Variants in ZNF804B observed in about 807,000 individuals in gnomAD.
ZNF804B encodes the protein zinc finger protein 804B.
In ZNF804B, 80 loss-of-function variants were observed where a neutral mutation model predicts 101.4. That is an observed-to-expected ratio of 0.79 (90% CI 0.66 to 0.95). The LOEUF is 0.95. Among genes scored for constraint, ZNF804B ranks in the 40% least tolerant of loss-of-function variants. ZNF804B has a pLI of 0.00. For synonymous variants in ZNF804B, 622 were observed against 558.8 expected, an observed-to-expected ratio of 1.11 and a Z score of -1.59; for missense variants, 1,673 against 1,561.9, an observed-to-expected ratio of 1.07 and a Z score of -1.20.
chr7:88,920,593 T>C (rs1358964671), intron 1 of ZNF804B, among the ~76,000 whole-genome samples: 1 of 151,958 alleles, frequency 6.6e-6, no homozygotes, highest in Non-Finnish European at 1.5e-5. Flanking sequence ...CCAGGCTTCA[T>C]TACCAACCTA....
chr7:89,281,388 T>A (rs1181570731), intron 2 of ZNF804B, among the ~76,000 whole-genome samples: 1 of 152,210 alleles, frequency 6.6e-6, no homozygotes, highest in Non-Finnish European at 1.5e-5. Flanking sequence ...TAACTAGTGC[T>A]ACATTGCAGT....
intron 1 of ZNF804B, among the ~76,000 whole-genome samples, chr7:89,114,560 CT>C (rs1005106120): frequency 2.0e-5 from 3 of 152,202 alleles, no homozygotes; most frequent in African/African-American, 7.2e-5. Context: ...TCTGGTGCCA[CT>C]AGTTTCAATC....
chr7:88,825,519 G>C (rs1044365673), intron 1 of ZNF804B, among the ~76,000 whole-genome samples: 1 of 136,768 alleles, frequency 7.3e-6, no homozygotes, highest in Non-Finnish European at 1.5e-5. Context: ...CACATGTACA[G>C]TTTCCCACAG....
intron 1 of ZNF804B, among the ~76,000 whole-genome samples, chr7:88,906,108 A>G (rs893422883): frequency 6.6e-6 from 1 of 151,740 alleles, no homozygotes; most frequent in Admixed American, 6.6e-5. Flanking sequence ...ATTTCTGTAG[A>G]ATGGGTTGTA....
intron 1 of ZNF804B, among the ~76,000 whole-genome samples, chr7:89,119,128 G>A (rs545694908): frequency 6.6e-6 from 1 of 152,196 alleles, no homozygotes; most frequent in East Asian, 1.9e-4. Context: ...TAAGCACTGG[G>A]CTAGCCCCTT....
intron 1 of ZNF804B, among the ~76,000 whole-genome samples, chr7:88,819,750 A>G (rs375723061): frequency 6.6e-6 from 1 of 152,216 alleles, no homozygotes; most frequent in Non-Finnish European, 1.5e-5. Flanking sequence ...ATAAAAATAC[A>G]TATACATTTA....
chr7:89,193,795 C>A (rs1373516773), intron 1 of ZNF804B, among the ~76,000 whole-genome samples: 3 of 151,972 alleles, frequency 2.0e-5, no homozygotes, highest in African/African-American at 7.3e-5. Flanking sequence ...GTCTTTATAG[C>A]AGCATGATTT....
chr7:88,776,244 G>T (rs1790137591), intron 1 of ZNF804B, among the ~76,000 whole-genome samples: 1 of 152,168 alleles, frequency 6.6e-6, no homozygotes, highest in Non-Finnish European at 1.5e-5. Flanking sequence ...TTAAAAACAG[G>T]TTTTCATGAC....
chr7:88,906,007 G>T (rs1201974589), intron 1 of ZNF804B, among the ~76,000 whole-genome samples: 1 of 150,800 alleles, frequency 6.6e-6, no homozygotes, highest in African/African-American at 2.4e-5. Flanking sequence ...AAATCTGGAA[G>T]ATTGTGTGTT....
At chr7:88,762,201 T>C (rs1789908223) in intron 1 of ZNF804B, among the ~76,000 whole-genome samples, 3 of 152,378 alleles carry the variant, frequency 2.0e-5, no homozygotes, top group East Asian at 1.9e-4. Context: ...TTAAATGATA[T>C]ATGTACTTTC....
At chr7:89,177,951 A>G (rs1355498619) in intron 1 of ZNF804B, among the ~76,000 whole-genome samples, 1 of 151,938 alleles carries the variant, frequency 6.6e-6, no homozygotes, top group African/African-American at 2.4e-5. Flanking sequence ...AAAAAAGAAC[A>G]AAAAACAAAT....
chr7:89,299,127 A>T (rs1790437720), intron 2 of ZNF804B, among the ~76,000 whole-genome samples: 1 of 152,014 alleles, frequency 6.6e-6, no homozygotes. Context: ...GAACTACCAT[A>T]TATATAGATT....
chr7:88,931,579 C>T (rs1168721937), intron 1 of ZNF804B, among the ~76,000 whole-genome samples: 1 of 151,850 alleles, frequency 6.6e-6, no homozygotes, highest in Non-Finnish European at 1.5e-5. Context: ...ATGGACATAT[C>T]TCCTTAGTGT....
chr7:89,053,006 T>G (rs921816490), intron 1 of ZNF804B, among the ~76,000 whole-genome samples: 1 of 152,182 alleles, frequency 6.6e-6, no homozygotes, highest in African/African-American at 2.4e-5. Context: ...TGATTTCTTC[T>G]TTAACATTAA....
intron 1 of ZNF804B, among the ~76,000 whole-genome samples, chr7:88,906,668 T>C (rs1792474929): frequency 6.6e-6 from 1 of 152,138 alleles, no homozygotes; most frequent in Non-Finnish European, 1.5e-5. Flanking sequence ...TGGTCAATCT[T>C]AGGATATGTT....
intron 1 of ZNF804B, among the ~76,000 whole-genome samples, chr7:89,156,016 T>C (rs1337236895): frequency 3.6e-5 from 3 of 84,044 alleles, no homozygotes; most frequent in Non-Finnish European, 5.6e-5. Flanking sequence ...TCTTTCTCTC[T>C]TTCCTTTCTT....
chr7:89,296,721 T>C (rs112171736), intron 2 of ZNF804B, among the ~76,000 whole-genome samples: 33 of 151,984 alleles, frequency 2.2e-4, no homozygotes, highest in African/African-American at 7.2e-4. Flanking sequence ...TAATGTAGAG[T>C]CTCAGCATGT....
At chr7:89,194,326 A>T (rs1160882462) in intron 1 of ZNF804B, among the ~76,000 whole-genome samples, 4 of 151,374 alleles carry the variant, frequency 2.6e-5, no homozygotes, top group African/African-American at 9.7e-5. Flanking sequence ...ATTAGATCCC[A>T]TTTGTCAATT....
intron 2 of ZNF804B, among the ~76,000 whole-genome samples, chr7:89,305,544 G>A (rs1477414665): frequency 6.6e-6 from 1 of 151,782 alleles, no homozygotes; most frequent in Non-Finnish European, 1.5e-5. Flanking sequence ...TGTTGTTGTT[G>A]TTTGTAGCAT....
Sources: allele counts gnomAD v4.1 joint callset (sites outside exome capture counted in the v4.1 genomes callset), GRCh38; gene constraint gnomAD v4.1.1; transcripts MANE v1.5; gene names NCBI Gene and HGNC (gene_info 2026-07-23, HGNC 2026-07-21).